The following ILDR2 variants were observed in gnomAD, a reference collection of about 807,000 sequenced individuals.
ILDR2 encodes immunoglobulin like domain containing receptor 2, also known as immunoglobulin-like domain-containing receptor 2.
In ILDR2, 25 loss-of-function variants were observed where a neutral mutation model predicts 66.8. The ratio of observed to expected loss-of-function variants is 0.37; its 90% confidence interval spans 0.27 to 0.52. ILDR2 has a LOEUF of 0.52. Ranked by LOEUF, ILDR2 falls within the 20% of genes least tolerant of loss-of-function variation. The probability of loss-of-function intolerance (pLI) is 0.88; values close to 1 mark genes in which losing one functional copy is unlikely to be tolerated. For synonymous variants in ILDR2, 367 were observed against 357.2 expected (o/e 1.03, Z -0.31); for missense variants, 827 against 876.8 (o/e 0.94, Z 0.72).
At chr1:166,958,187 TC>T in intron 1 of ILDR2, 86 bp from the exon 2 acceptor site, 1 of 1,122,634 alleles carries the variant, frequency 8.9e-7, no homozygotes, top group Non-Finnish European at 1.3e-6. Context: ...CCATTTCACT[TC>T]CCTAACTTGT....
intron 3 of ILDR2, among the ~76,000 whole-genome samples, chr1:166,940,709 T>TA (rs1381214141): frequency 1.3e-5 from 2 of 152,248 alleles, no homozygotes; most frequent in Non-Finnish European, 2.9e-5. Flanking sequence ...TGACTATCAC[T>TA]AAAATATTGT....
intron 9 of ILDR2, among the ~76,000 whole-genome samples, chr1:166,920,127 G>C (rs11579987): frequency 0.15 from 22,802 of 152,200 alleles, 1,914 homozygotes; most frequent in Non-Finnish European, 0.19. Context: ...AGGGACCAAA[G>C]GATTTCCTTC....
At chr1:166,926,298 T>C (rs2101871708) in intron 7 of ILDR2, among the ~76,000 whole-genome samples, 1 of 152,192 alleles carries the variant, frequency 6.6e-6, no homozygotes, top group South Asian at 2.1e-4. Flanking sequence ...CCTCCCATGA[T>C]ACATAAGTTG....
intron 1 of ILDR2, among the ~76,000 whole-genome samples, chr1:166,968,061 CATG>C (rs1287069504): frequency 1.3e-5 from 2 of 152,210 alleles, no homozygotes; most frequent in African/African-American, 2.4e-5. Context: ...CTGAGGCTCA[CATG>C]ATATTTCTAA....
intron 2 of ILDR2, chr1:166,896,169 G>A (rs1215178351): frequency 6.6e-6 from 1 of 152,330 alleles, no homozygotes; most frequent in Non-Finnish European, 1.5e-5. Context: ...AACAATATAT[G>A]TCACTTTTTC....
intron 8 of ILDR2, among the ~76,000 whole-genome samples, chr1:166,922,169 G>A (rs1465123644): frequency 6.6e-6 from 1 of 152,138 alleles, no homozygotes; most frequent in African/African-American, 2.4e-5. Context: ...TGTAATCCCA[G>A]CACTTTGGGA....
intron 9 of ILDR2, among the ~76,000 whole-genome samples, chr1:166,920,146 G>A (rs1390391893): frequency 2.6e-5 from 4 of 152,090 alleles, no homozygotes; most frequent in South Asian, 4.1e-4. Context: ...TCACATATAC[G>A]GGCACAATGC....
At chr1:166,932,888 C>A (rs1660717258) in intron 6 of ILDR2, among the ~76,000 whole-genome samples, 1 of 152,186 alleles carries the variant, frequency 6.6e-6, no homozygotes, top group African/African-American at 2.4e-5. Context: ...CATTTCTTAA[C>A]ATTTTTAATG....
In ILDR2 at chr1:166,912,683, A is replaced by C. The variant is rs1659495977; in HGVS notation, c.*6672T>G. ...CACTAAAATCTGGAATTCCCTTGAG[A>C]GGGCTTAGCCATCCAAAACAGGATT... On this transcript the variant is annotated 3_prime_UTR_variant, in exon 10 of 10. Coordinates refer to ENST00000271417, the MANE Select transcript of ILDR2 (RefSeq NM_199351.3). The C allele has an allele frequency of 6.6e-6, 1 of 152,234 alleles. No individual in the cohort carries two copies. The highest frequency in any genetic ancestry group is 2.1e-4 in the South Asian group (1 of 4,832). The allele number at this position is 152,234 out of a possible 1,614,324, so 9.4% of individuals were successfully genotyped here. A position where few individuals can be genotyped will look rare whatever the true frequency, so the allele number is the denominator to read the frequency against.
chr1:166,900,510 T>G (rs1659241304), intron 2 of ILDR2, among the ~76,000 whole-genome samples: 1 of 152,244 alleles, frequency 6.6e-6, no homozygotes, highest in African/African-American at 2.4e-5. Context: ...AGTAATTGCT[T>G]GGATAATTAC....
Position 166,919,308 on chromosome 1 carries a change from C to A in ILDR2, c.*47G>T. 6.4e-7 allele frequency: 1 copy of A among 1,560,142 alleles called. No individual in the cohort carries two copies. Among genetic ancestry groups the A allele is most frequent in the East Asian group, 2.3e-5 (1 of 44,280 alleles). On this transcript the variant is annotated 3_prime_UTR_variant, in exon 10 of 10. Coordinates refer to ENST00000271417, the MANE Select transcript of ILDR2 (RefSeq NM_199351.3). ...GGTTCTTAGATTTGTGTCTTGTCCC[C>A]GTAGTCCATGTCTGATTTCTCATTA...
intron 1 of ILDR2, among the ~76,000 whole-genome samples, chr1:166,964,107 C>T (rs887403522): frequency 1.3e-5 from 2 of 150,656 alleles, no homozygotes; most frequent in African/African-American, 4.9e-5. Context: ...AGAGAGTATA[C>T]CTGTAAAAAT....
chr1:166,964,670 C>A (rs1662825861), intron 1 of ILDR2, among the ~76,000 whole-genome samples: 1 of 152,070 alleles, frequency 6.6e-6, no homozygotes. Context: ...CCCATCTCAG[C>A]CCCCATCTCA....
In ILDR2 at chr1:166,914,243, C is replaced by T. The variant is rs1377372107; in HGVS notation, c.*5112G>A. On this transcript the variant is annotated 3_prime_UTR_variant, in exon 10 of 10. Coordinates refer to ENST00000271417, the MANE Select transcript of ILDR2 (RefSeq NM_199351.3). ...ATGAAGCAGCAACAGTATCTGTCTT[C>T]ATGGCTTCGCCACATCCATGACATA... 6.6e-6 allele frequency: 1 copy of T among 152,208 alleles called. No individual in the cohort carries two copies. Among genetic ancestry groups the T allele is most frequent in the Non-Finnish European group, 1.5e-5 (1 of 68,040 alleles). The allele number at this position is 152,208 out of a possible 1,614,324, so 9.4% of individuals were successfully genotyped here.
intron 4 of ILDR2, among the ~76,000 whole-genome samples, chr1:166,938,493 G>A (rs868391606): frequency 1.3e-5 from 2 of 152,232 alleles, no homozygotes; most frequent in Middle Eastern, 3.4e-3. Flanking sequence ...ACAAATTGAG[G>A]GAATTCTGGA....
At chr1:166,905,265 T>C (rs1003514007), downstream of ILDR2, among the ~76,000 whole-genome samples, 3 of 152,214 alleles carry the variant, frequency 2.0e-5, no homozygotes, top group Non-Finnish European at 4.4e-5. Flanking sequence ...GCTGGCTCCA[T>C]GTAAATCAAT....
At chr1:166,901,309 A>ACAAT (rs1659260933) in intron 2 of ILDR2, among the ~76,000 whole-genome samples, 1 of 152,148 alleles carries the variant, frequency 6.6e-6, no homozygotes, top group Non-Finnish European at 1.5e-5. Context: ...CATCAACCTT[A>ACAAT]CAATCACTAG....
intron 1 of ILDR2, among the ~76,000 whole-genome samples, chr1:166,969,596 C>A (rs2102028164): frequency 6.6e-6 from 1 of 152,306 alleles, no homozygotes; most frequent in East Asian, 1.9e-4. Context: ...TCTTCATTCG[C>A]TCCTTTCCCA....
intron 1 of ILDR2, among the ~76,000 whole-genome samples, chr1:166,967,995 T>G (rs1051477997): frequency 6.6e-6 from 1 of 152,164 alleles, no homozygotes; most frequent in African/African-American, 2.4e-5. Context: ...TTTCTGCAAG[T>G]GTCCCCTAGT....
Sources: allele counts gnomAD v4.1 joint callset (sites outside exome capture counted in the v4.1 genomes callset), GRCh38; gene constraint gnomAD v4.1.1; transcripts MANE v1.5; gene names NCBI Gene and HGNC (gene_info 2026-07-23, HGNC 2026-07-21).